PDIA5: variants seen among roughly 807,000 people sequenced by gnomAD.
PDIA5 encodes protein disulfide-isomerase A5.
A neutral mutation model predicts 77.6 loss-of-function variants in PDIA5; 58 were observed. That is an observed-to-expected ratio of 0.75 (90% confidence interval 0.61 to 0.93). PDIA5 has a LOEUF of 0.93. Ranked by LOEUF, PDIA5 falls within the 40% of genes least tolerant of loss-of-function variation. PDIA5 has a pLI of 0.00. For missense variants in PDIA5, 630 were observed against 647.7 expected (o/e 0.97, Z 0.30); for synonymous variants, 250 against 252.1 (o/e 0.99, Z 0.08).
Position 123,143,442 on chromosome 3 carries a change from A to C in PDIA5, c.911-2080A>C, listed in dbSNP as rs536014724. Among the ~76,000 whole-genome samples the C allele has an allele frequency of 6.0e-5, 9 of 150,144 alleles. No individual in the cohort carries two copies. The South Asian group carries it at 1.9e-3, about 32-fold the overall frequency. On this transcript the variant is annotated intron_variant, in intron 11 of 16. Coordinates refer to ENST00000316218, the MANE Select transcript of PDIA5 (RefSeq NM_006810.4). ...CTGGTACCTAGAGCCCAGCATGATG[A>C]GTGTGTAGTGTGGGTACAATATGTA... is the stretch of plus-strand genomic sequence containing the variant.
intron 11 of PDIA5, among the ~76,000 whole-genome samples, chr3:123,140,003 G>A (rs1031159004): frequency 6.6e-6 from 1 of 152,152 alleles, no homozygotes; most frequent in East Asian, 1.9e-4. Context: ...ATTGGGAGAG[G>A]GCATGATAGC....
chr3:123,098,615 C>T (rs1013052278), intron 3 of PDIA5, among the ~76,000 whole-genome samples: 30 of 152,046 alleles, frequency 2.0e-4, no homozygotes, highest in African/African-American at 7.0e-4. Flanking sequence ...TGCAATCTTT[C>T]CTTCCACATT....
intron 15 of PDIA5, among the ~76,000 whole-genome samples, chr3:123,157,600 G>A (rs2107995421): frequency 6.6e-6 from 1 of 152,328 alleles, no homozygotes; most frequent in African/African-American, 2.4e-5. Flanking sequence ...GCCAGCCCCT[G>A]TTCCTATCCC....
intron 15 of PDIA5, among the ~76,000 whole-genome samples, chr3:123,156,584 G>T (rs369756827): frequency 6.6e-6 from 1 of 152,160 alleles, no homozygotes; most frequent in Non-Finnish European, 1.5e-5. Flanking sequence ...CTGTATTGAC[G>T]TCCATCACGT....
At chr3:123,094,154 A>G (rs539436444) in intron 3 of PDIA5, among the ~76,000 whole-genome samples, 1 of 152,360 alleles carries the variant, frequency 6.6e-6, no homozygotes, top group Non-Finnish European at 1.5e-5. Flanking sequence ...AGCACCTTGG[A>G]GCTTGAAAGA....
intron 3 of PDIA5, among the ~76,000 whole-genome samples, chr3:123,098,514 T>C (rs1345724780): frequency 6.6e-6 from 1 of 152,146 alleles, no homozygotes; most frequent in East Asian, 1.9e-4. Context: ...CAGCCAGCTG[T>C]CCCATGGCAG....
At chr3:123,130,114 G>A (rs1327181153) in intron 10 of PDIA5, among the ~76,000 whole-genome samples, 2 of 152,184 alleles carry the variant, frequency 1.3e-5, no homozygotes, top group African/African-American at 4.8e-5. Context: ...ATTCACTGTT[G>A]CTATTTATTC....
At chr3:123,103,667 C>T (rs1039069850) in intron 5 of PDIA5, among the ~76,000 whole-genome samples, 1 of 152,130 alleles carries the variant, frequency 6.6e-6, no homozygotes, top group Non-Finnish European at 1.5e-5. Context: ...CCAGGTCATT[C>T]TTGCTTATCC....
chr3:123,115,837 T>C (rs2107947252), intron 7 of PDIA5, among the ~76,000 whole-genome samples: 1 of 152,394 alleles, frequency 6.6e-6, no homozygotes, highest in African/African-American at 2.4e-5. Flanking sequence ...AGGCCCTGCC[T>C]GGGCAGTGAG....
At chr3:123,122,079 G>A (rs886239711) in intron 8 of PDIA5, among the ~76,000 whole-genome samples, 3 of 152,210 alleles carry the variant, frequency 2.0e-5, no homozygotes, top group African/African-American at 4.8e-5. Context: ...CCTAACAGGT[G>A]TACAATGAAG....
At chr3:123,079,160 C>T (rs952881371) in intron 1 of PDIA5, among the ~76,000 whole-genome samples, 3 of 147,392 alleles carry the variant, frequency 2.0e-5, no homozygotes, top group Admixed American at 6.9e-5. Flanking sequence ...GGTTATACCA[C>T]GTATATTTTG....
intron 11 of PDIA5, among the ~76,000 whole-genome samples, chr3:123,134,176 G>A (rs1024308944): frequency 1.7e-4 from 26 of 152,066 alleles, no homozygotes; most frequent in East Asian, 5.8e-4. Context: ...GGTGCACACC[G>A]CCACACCTGG....
intron 13 of PDIA5, 86 bp from the exon 14 acceptor site, chr3:123,150,148 G>A (rs944347481): frequency 3.4e-6 from 3 of 891,264 alleles, no homozygotes; most frequent in Admixed American, 4.3e-5. Flanking sequence ...GTTCCCCCGA[G>A]TGGTTGGGAC....
intron 10 of PDIA5, among the ~76,000 whole-genome samples, chr3:123,128,102 C>T (rs1433380987): frequency 1.3e-5 from 2 of 152,180 alleles, no homozygotes; most frequent in Non-Finnish European, 2.9e-5. Flanking sequence ...CAGTCATCTC[C>T]TGGGTGGGAG....
chr3:123,157,318 G>C (rs1236108436), intron 15 of PDIA5, among the ~76,000 whole-genome samples: 1 of 152,234 alleles, frequency 6.6e-6, no homozygotes, highest in Non-Finnish European at 1.5e-5. Flanking sequence ...TGACTACTGG[G>C]TCCCATCCTA....
At chr3:123,142,826 C>T (rs944620556) in intron 11 of PDIA5, among the ~76,000 whole-genome samples, 1 of 152,156 alleles carries the variant, frequency 6.6e-6, no homozygotes. Flanking sequence ...AGCATGGGGA[C>T]GTCCTCATTT....
chr3:123,116,642 T>C (rs1447060023), intron 8 of PDIA5, among the ~76,000 whole-genome samples: 1 of 152,154 alleles, frequency 6.6e-6, no homozygotes, highest in East Asian at 1.9e-4. Context: ...TGAAGTGAGC[T>C]GAGGCAGCTG....
At chr3:123,159,629 T>G (rs577235708) in intron 15 of PDIA5, among the ~76,000 whole-genome samples, 38 of 152,362 alleles carry the variant, frequency 2.5e-4, no homozygotes, top group Non-Finnish European at 4.4e-4. Flanking sequence ...ATTTATTTTT[T>G]TTGTTGTTGT....
chr3:123,127,868 T>C (rs1305005066), intron 10 of PDIA5, among the ~76,000 whole-genome samples: 1 of 152,234 alleles, frequency 6.6e-6, no homozygotes, highest in Non-Finnish European at 1.5e-5. Flanking sequence ...GGAATGCTCC[T>C]GTTCAACGAG....
Sources: allele counts gnomAD v4.1 joint callset (sites outside exome capture counted in the v4.1 genomes callset), GRCh38; gene constraint gnomAD v4.1.1; transcripts MANE v1.5; gene names NCBI Gene and HGNC (gene_info 2026-07-23, HGNC 2026-07-21).